The following EDA variants were observed in gnomAD, a reference collection of about 807,000 sequenced individuals.
EDA encodes the protein ectodysplasin-A.
In EDA, 2 loss-of-function variants were observed where a neutral mutation model predicts 23.6. The ratio of observed to expected loss-of-function variants is 0.08; its 90% CI spans 0.03 to 0.27. The LOEUF (loss-of-function observed/expected upper bound fraction) is 0.27, where lower values mean the gene tolerates loss of function less well. Ranked by LOEUF, EDA falls within the 10% of genes least tolerant of loss-of-function variation. EDA has a pLI of 1.00. For missense variants in EDA, 229 were observed against 324.2 expected (o/e 0.71, Z 2.26); for synonymous variants, 131 against 132.0 (o/e 0.99, Z 0.05).
At chrX:69,774,476 T>A (rs775171942) in intron 1 of EDA, among the ~76,000 whole-genome samples, 29 of 112,103 alleles carry the variant, frequency 2.6e-4, no homozygotes, top group Non-Finnish European at 5.1e-4. Context: ...GCCACTGGAC[T>A]CATTTTACTT....
At chrX:70,013,234 T>TGCC (rs1483215581) in intron 2 of EDA, among the ~76,000 whole-genome samples, 2 of 111,451 alleles carry the variant, frequency 1.8e-5, no homozygotes, top group Non-Finnish European at 3.8e-5. Flanking sequence ...TCGCCCTTAC[T>TGCC]GCCCATGGGC....
Position 69,895,100 on chromosome X carries a change from C to A in EDA, c.397-61927C>A, listed in dbSNP as rs1266688156. ...GTATGTTCCTTCAATGCCACATTTG[C>A]GGGGTGGGATTAACATGAAGGCTGT... is the stretch of plus-strand genomic sequence containing the variant. On this transcript the variant is annotated intron_variant, in intron 1 of 7. Coordinates refer to ENST00000374552, the MANE Select transcript of EDA (RefSeq NM_001399.5). 4.5e-5 allele frequency among the ~76,000 whole-genome samples: 5 copies of A among 110,864 alleles called. No individual in the cohort carries two copies. The South Asian group carries it at 1.9e-3, about 42-fold the overall frequency.
At chrX:69,953,558 A>G (rs2018958364) in intron 1 of EDA, among the ~76,000 whole-genome samples, 1 of 112,078 alleles carries the variant, frequency 8.9e-6, no homozygotes, top group Non-Finnish European at 1.9e-5. Context: ...ACATGAAAAT[A>G]TAGGTCTACA....
intron 1 of EDA, among the ~76,000 whole-genome samples, chrX:69,690,943 C>G (rs1043275285): frequency 9.0e-6 from 1 of 111,628 alleles, no homozygotes. Context: ...CCCTTATAGT[C>G]CTTGATGTAT....
At chrX:69,680,127 G>A (rs1370121115) in intron 1 of EDA, among the ~76,000 whole-genome samples, 3 of 107,236 alleles carry the variant, frequency 2.8e-5, no homozygotes, top group African/African-American at 6.9e-5. Context: ...GTAGTTGAGC[G>A]GTTTTGAGTG....
chrX:69,787,219 A>G (rs1421192463), intron 1 of EDA, among the ~76,000 whole-genome samples: 1 of 98,461 alleles, frequency 1.0e-5, no homozygotes, highest in Non-Finnish European at 2.1e-5. Context: ...GAATACAGCA[A>G]ACTGATGGGT....
chrX:69,726,064 A>G (rs905425847), intron 1 of EDA, among the ~76,000 whole-genome samples: 3 of 112,123 alleles, frequency 2.7e-5, no homozygotes, highest in Non-Finnish European at 5.6e-5. Context: ...AGTGAAGTTC[A>G]GCTATATCCT....
chrX:69,800,135 A>G (rs1198400476), intron 1 of EDA, among the ~76,000 whole-genome samples: 1 of 112,058 alleles, frequency 8.9e-6, no homozygotes, highest in African/African-American at 3.2e-5. Context: ...AATACTGCAC[A>G]TTCTCACTCA....
chrX:69,616,609 C>G lies in EDA; in HGVS notation c.301C>G (p.Pro101Ala). Residue 101 changes from proline (P) to alanine (A), a missense_variant, in exon 1 of 8, where the codon CCC (proline) becomes GCC (alanine). This residue lies in a region of EDA where 175 missense variants were observed against 281.8 expected (regional missense o/e 0.62). Coordinates refer to ENST00000374552, the MANE Select transcript of EDA (RefSeq NM_001399.5). ...CCTCGGTGGCCTCGACCCTGACAGC[C>G]CCATCACCAGTCACCTTGGGCAGCC... ...SSLGGLDPDS[P>A]ITSHLGQPSP... 8.3e-7 allele frequency: 1 copy of G among 1,211,731 alleles called. No homozygotes were observed. Among genetic ancestry groups the G allele is most frequent in the Non-Finnish European group, 1.1e-6 (1 of 895,392 alleles).
intron 1 of EDA, among the ~76,000 whole-genome samples, chrX:69,916,660 C>T (rs967656312): frequency 1.8e-5 from 2 of 110,628 alleles, no homozygotes; most frequent in Non-Finnish European, 3.8e-5. Flanking sequence ...CCGCCTCGGC[C>T]TCCCAAAGTG....
intron 1 of EDA, among the ~76,000 whole-genome samples, chrX:69,930,716 G>T (rs6625538): frequency 9.0e-6 from 1 of 111,274 alleles, no homozygotes; most frequent in Non-Finnish European, 1.9e-5. Flanking sequence ...AACCAATTTA[G>T]AAAGGAAATA....
chrX:69,855,638 T>A (rs1408038951), intron 1 of EDA, among the ~76,000 whole-genome samples: 3 of 111,313 alleles, frequency 2.7e-5, no homozygotes, highest in Non-Finnish European at 5.7e-5. Flanking sequence ...TGTGCGGCCT[T>A]ATTTCTGGGT....
chrX:69,737,620 G>A (rs1055592552), intron 1 of EDA, among the ~76,000 whole-genome samples: 2 of 111,994 alleles, frequency 1.8e-5, no homozygotes, highest in African/African-American at 6.5e-5. Context: ...CTTTTAAGAA[G>A]AATTAAAAAA....
At chrX:69,763,088 A>G (rs1199322212) in intron 1 of EDA, among the ~76,000 whole-genome samples, 1 of 112,379 alleles carries the variant, frequency 8.9e-6, no homozygotes, top group Non-Finnish European at 1.9e-5. Flanking sequence ...TTAGGAGCTC[A>G]TGATTGGATA....
intron 1 of EDA, among the ~76,000 whole-genome samples, chrX:69,772,627 T>C (rs1460623695): frequency 9.0e-6 from 1 of 111,121 alleles, no homozygotes; most frequent in East Asian, 2.8e-4. Context: ...TCAACTCCTG[T>C]GCCCCTCCCT....
chrX:69,714,925 C>A (rs1340661573), intron 1 of EDA, among the ~76,000 whole-genome samples: 1 of 110,420 alleles, frequency 9.1e-6, no homozygotes, highest in Non-Finnish European at 1.9e-5. Flanking sequence ...CTACAAAAAT[C>A]CTTGTTAGGA....
At chrX:69,889,782 T>G (rs370829761) in intron 1 of EDA, among the ~76,000 whole-genome samples, 1 of 112,102 alleles carries the variant, frequency 8.9e-6, no homozygotes, top group African/African-American at 3.2e-5. Flanking sequence ...AGATTATACC[T>G]TTGATGATGT....
At chrX:69,739,940 T>A (rs757041363) in intron 1 of EDA, among the ~76,000 whole-genome samples, 1 of 111,345 alleles carries the variant, frequency 9.0e-6, no homozygotes, top group African/African-American at 3.2e-5. Context: ...AGAAGAGCAA[T>A]TACATTTATA....
intron 1 of EDA, among the ~76,000 whole-genome samples, chrX:69,786,503 T>C (rs1178945571): frequency 9.2e-6 from 1 of 108,912 alleles, no homozygotes; most frequent in Admixed American, 9.8e-5. Flanking sequence ...TTTGTTCTCG[T>C]TGGTTTCAAA....
Sources: allele counts gnomAD v4.1 joint callset (sites outside exome capture counted in the v4.1 genomes callset), GRCh38; gene constraint gnomAD v4.1.1; regional missense constraint gnomAD v4.1.1; transcripts MANE v1.5; gene names NCBI Gene and HGNC (gene_info 2026-07-23, HGNC 2026-07-21).